ANKRD30B: variants seen among roughly 807,000 people sequenced by gnomAD.
ANKRD30B encodes the protein ankyrin repeat domain 30B.
A neutral mutation model predicts 202.2 loss-of-function variants in ANKRD30B; 144 were observed. The ratio of observed to expected loss-of-function variants is 0.71; its 90% CI spans 0.62 to 0.82. The LOEUF (loss-of-function observed/expected upper bound fraction) is 0.82, where lower values mean the gene tolerates loss of function less well. ANKRD30B is among the 40% of genes least tolerant of loss of function. The probability of loss-of-function intolerance (pLI) is 0.00; values close to 1 mark genes in which losing one functional copy is unlikely to be tolerated. For missense variants in ANKRD30B, 1,487 were observed against 1,669.1 expected, an observed-to-expected ratio of 0.89 and a Z score of 1.90; for synonymous variants, 508 against 561.3, an observed-to-expected ratio of 0.91 and a Z score of 1.34.
intron 5 of ANKRD30B, among the ~76,000 whole-genome samples, chr18:14,758,609 T>A (rs1289024057): frequency 6.6e-6 from 1 of 152,090 alleles, no homozygotes; most frequent in Non-Finnish European, 1.5e-5. Context: ...CACCCTGCTC[T>A]GGCAGCTAGG....
At chr18:14,841,980 A>G (rs1971437217) in intron 37 of ANKRD30B, among the ~76,000 whole-genome samples, 1 of 152,196 alleles carries the variant, frequency 6.6e-6, no homozygotes, top group South Asian at 2.1e-4. Flanking sequence ...AATGAAGCAA[A>G]TTGTTTTGGT....
At chr18:14,940,666 T>C in the ANKRD30B span, among the ~76,000 whole-genome samples, 1 of 152,182 alleles carries the variant, frequency 6.6e-6, no homozygotes, top group African/African-American at 2.4e-5. Flanking sequence ...AAGTCCCTCT[T>C]TCTAGAGAGA....
intron 20 of ANKRD30B, among the ~76,000 whole-genome samples, chr18:14,798,133 G>A (rs1375803183): frequency 2.6e-5 from 4 of 151,236 alleles, no homozygotes; most frequent in Admixed American, 6.6e-5. Flanking sequence ...AGCAGGTTGA[G>A]AAATAATAGA....
the ANKRD30B span, among the ~76,000 whole-genome samples, chr18:14,910,645 T>C: frequency 1.3e-5 from 2 of 152,058 alleles, no homozygotes. Context: ...GTATTCCCAA[T>C]AGTGGGATTG....
At chr18:14,792,526 G>A (rs975298019) in intron 16 of ANKRD30B, among the ~76,000 whole-genome samples, 5 of 151,996 alleles carry the variant, frequency 3.3e-5, no homozygotes, top group Non-Finnish European at 7.4e-5. Context: ...GCAGGAAGCA[G>A]GGGACAAGAG....
chr18:14,860,479 A>T, the ANKRD30B span, among the ~76,000 whole-genome samples: 2 of 118,964 alleles, frequency 1.7e-5, no homozygotes, highest in Non-Finnish European at 3.6e-5. Context: ...AGGCAGAGGC[A>T]CTCCTCACCT....
intron 26 of ANKRD30B, among the ~76,000 whole-genome samples, chr18:14,809,109 A>G (rs1969748028): frequency 7.1e-6 from 1 of 140,278 alleles, no homozygotes; most frequent in Non-Finnish European, 1.5e-5. Context: ...AATTCACTAG[A>G]TATACCCGCA....
At chr18:14,786,932 C>T (rs1968119046) in intron 14 of ANKRD30B, 107 bp from the exon 15 acceptor site, 1 of 1,135,480 alleles carries the variant, frequency 8.8e-7, no homozygotes, top group Non-Finnish European at 1.2e-6. Context: ...ATACAGGCTA[C>T]AGAGGAAAAA....
At chr18:14,894,612 TTGA>T in the ANKRD30B span, among the ~76,000 whole-genome samples, 1 of 152,092 alleles carries the variant, frequency 6.6e-6, no homozygotes, top group Admixed American at 6.6e-5. Context: ...AATCTTGTCC[TTGA>T]TCAAGTATAC....
chr18:14,851,748 A>G lies in ANKRD30B; in HGVS notation c.3804A>G (p.Lys1268=). Residue 1268 remains lysine, a synonymous_variant, in exon 42 of 44, where the codon AAA becomes AAG. Transcript: ENST00000690538. ...CATCTCAGTATAGAGAGCAGCTTAAAGTTCTGACGGCAGAGAACACGATGC... is the reference window on the plus strand; with the variant it reads ...CATCTCAGTATAGAGAGCAGCTTAAGGTTCTGACGGCAGAGAACACGATGC... ...KRASQYREQL[K]VLTAENTMLT... 1 of 1,588,318 alleles carries G rather than the reference A, an allele frequency of 6.3e-7. No homozygotes were observed. The highest frequency in any genetic ancestry group is 8.6e-7 in the Non-Finnish European group (1 of 1,166,578).
chr18:14,918,098 C>T, the ANKRD30B span, among the ~76,000 whole-genome samples: 1 of 152,142 alleles, frequency 6.6e-6, no homozygotes, highest in Non-Finnish European at 1.5e-5. Context: ...GGGAAGGACT[C>T]CCGTACTCAG....
At chr18:14,846,692 G>A (rs1252476730) in intron 39 of ANKRD30B, among the ~76,000 whole-genome samples, 1 of 151,768 alleles carries the variant, frequency 6.6e-6, no homozygotes, top group African/African-American at 2.4e-5. Flanking sequence ...GTTTATTGCT[G>A]GTAATGTTTT....
chr18:14,940,643 T>G, the ANKRD30B span, among the ~76,000 whole-genome samples: 1 of 152,118 alleles, frequency 6.6e-6, no homozygotes. Flanking sequence ...TTCATATAAA[T>G]GATAAAGAAG....
the ANKRD30B span, among the ~76,000 whole-genome samples, chr18:14,923,169 C>T: frequency 5.9e-5 from 9 of 152,192 alleles, no homozygotes; most frequent in African/African-American, 2.2e-4. Flanking sequence ...CAGTAACCAG[C>T]TCAGCCACAC....
chr18:14,773,367 A>G (rs1967137168), intron 9 of ANKRD30B, among the ~76,000 whole-genome samples: 1 of 151,350 alleles, frequency 6.6e-6, no homozygotes, highest in Non-Finnish European at 1.5e-5. Context: ...AAAAGATTTT[A>G]AGAGGTTTTC....
chr18:14,753,190 G>T (rs1206828502), intron 3 of ANKRD30B, among the ~76,000 whole-genome samples, 178 bp downstream of exon 3: 2 of 152,080 alleles, frequency 1.3e-5, no homozygotes, highest in East Asian at 3.8e-4. Flanking sequence ...CTATTAGAGA[G>T]TATGGCTTTT....
intron 30 of ANKRD30B, among the ~76,000 whole-genome samples, chr18:14,820,307 A>C (rs1215761510): frequency 6.6e-6 from 1 of 152,192 alleles, no homozygotes; most frequent in Non-Finnish European, 1.5e-5. Context: ...GTCGTTTGCA[A>C]AGAGGGACAA....
chr18:14,904,004 A>G, the ANKRD30B span, among the ~76,000 whole-genome samples: 3 of 152,226 alleles, frequency 2.0e-5, no homozygotes, highest in East Asian at 1.9e-4. Context: ...GGGCTGTCCA[A>G]TTGTCATCTG....
the ANKRD30B span, among the ~76,000 whole-genome samples, chr18:14,885,705 C>T: frequency 8.6e-5 from 13 of 152,038 alleles, no homozygotes; most frequent in East Asian, 2.3e-3. Context: ...TAAGAATTTA[C>T]CTCCAGCATC....
Sources: allele counts gnomAD v4.1 joint callset (sites outside exome capture counted in the v4.1 genomes callset), GRCh38; gene constraint gnomAD v4.1.1; transcripts MANE v1.5; gene names NCBI Gene and HGNC (gene_info 2026-07-23, HGNC 2026-07-21).